Variants in DCX observed in about 807,000 individuals in gnomAD.
The protein encoded by DCX is neuronal migration protein doublecortin.
In DCX, 4 loss-of-function variants were observed where a neutral mutation model predicts 20.9. That is an observed-to-expected ratio of 0.19 (90% CI 0.09 to 0.44). The LOEUF is 0.44. DCX is among the 20% of genes least tolerant of loss of function. The pLI is 0.99. For synonymous variants in DCX, 103 were observed against 111.4 expected (o/e 0.92, Z 0.47); for missense variants, 133 against 296.9 (o/e 0.45, Z 4.06).
intron 5 of DCX, among the ~76,000 whole-genome samples, chrX:111,329,987 C>T (rs182640452): frequency 1.5e-4 from 17 of 112,204 alleles, no homozygotes; most frequent in African/African-American, 4.8e-4. Flanking sequence ...GTGCATAAAT[C>T]TAAGCTTCTG....
At chrX:111,372,190 C>G (rs1479336755) in intron 3 of DCX, among the ~76,000 whole-genome samples, 2 of 111,902 alleles carry the variant, frequency 1.8e-5, no homozygotes, top group African/African-American at 3.2e-5. Flanking sequence ...GACCAACACA[C>G]AAAGCTCTCA....
chrX:111,353,048 G>A lies in DCX; in HGVS notation c.706-19895C>T, dbSNP rs182992859. Among the ~76,000 whole-genome samples the A allele has an allele frequency of 2.0e-4, 23 of 112,198 alleles. No homozygotes were observed. The Admixed American group carries it at 2.2e-3, about 11-fold the overall frequency. ...AAACCCCAAAGTTGAGATAATGTCT[G>A]GCTTGGCCATTTCTCAAGTGTCAGC... On this transcript the variant is annotated intron_variant, in intron 3 of 6. Coordinates refer to ENST00000636035, the MANE Select transcript of DCX (RefSeq NM_001195553.2).
intron 3 of DCX, among the ~76,000 whole-genome samples, chrX:111,397,341 G>T (rs1417983177): frequency 9.0e-6 from 1 of 111,376 alleles, no homozygotes; most frequent in Non-Finnish European, 1.9e-5. Flanking sequence ...TAAGTGCCTT[G>T]TGTCACGTAT....
At chrX:111,310,375 A>T (rs2095054939) in intron 6 of DCX, among the ~76,000 whole-genome samples, 1 of 111,328 alleles carries the variant, frequency 9.0e-6, no homozygotes, top group South Asian at 3.7e-4. Flanking sequence ...AAAAGAAAAA[A>T]TAATAACATG....
intron 6 of DCX, among the ~76,000 whole-genome samples, chrX:111,302,940 G>A (rs2095037236): frequency 9.0e-6 from 1 of 111,167 alleles, no homozygotes; most frequent in Non-Finnish European, 1.9e-5. Context: ...CATGGTCTTT[G>A]GCAGAGCAAA....
At chrX:111,322,325 A>G (rs1392695261) in intron 5 of DCX, among the ~76,000 whole-genome samples, 1 of 111,154 alleles carries the variant, frequency 9.0e-6, no homozygotes, top group Admixed American at 9.5e-5. Flanking sequence ...CACAGATTCT[A>G]TTTCAAAATT....
At chrX:111,404,152 C>A (rs2147267229) in intron 2 of DCX, among the ~76,000 whole-genome samples, 1 of 110,608 alleles carries the variant, frequency 9.0e-6, no homozygotes, top group African/African-American at 3.3e-5. Context: ...TATTATTAAG[C>A]CCCTAATCTT....
At chrX:111,356,039 ATGT>A (rs1394758596) in intron 3 of DCX, among the ~76,000 whole-genome samples, 1 of 112,213 alleles carries the variant, frequency 8.9e-6, no homozygotes, top group African/African-American at 3.2e-5. Flanking sequence ...AGACAAGGAA[ATGT>A]TGTCCTAATT....
intron 4 of DCX, 152 bp downstream of exon 4, chrX:111,332,899 C>G (rs765570386): frequency 2.0e-6 from 1 of 505,368 alleles, no homozygotes; most frequent in Non-Finnish European, 3.6e-6. Flanking sequence ...GGGTCATGAC[C>G]CATGTATCCA....
At chrX:111,303,092 CTT>C (rs536285244) in intron 6 of DCX, among the ~76,000 whole-genome samples, 7 of 99,946 alleles carry the variant, frequency 7.0e-5, no homozygotes, top group African/African-American at 3.6e-5. Context: ...GGTTAAGAAA[CTT>C]TTTTTTTTTT....
At chrX:111,343,094 C>G (rs1922434047) in intron 3 of DCX, among the ~76,000 whole-genome samples, 1 of 105,134 alleles carries the variant, frequency 9.5e-6, no homozygotes, top group African/African-American at 3.5e-5. Flanking sequence ...GATAAGCACA[C>G]AAACTCCCCC....
intron 2 of DCX, among the ~76,000 whole-genome samples, chrX:111,406,641 A>C (rs780033033): frequency 8.9e-6 from 1 of 112,391 alleles, no homozygotes; most frequent in East Asian, 2.8e-4. Context: ...TACATGGAAC[A>C]ACATAGATAA....
At position 111,301,675 on chromosome X, in the gene DCX, C is replaced by T. The variant is rs1222815354; in HGVS notation, c.*12G>A. ...GGATTTGTACTCTGGACTCTGAGCA[C>T]TCTCCCCTCCTTTACATGGAATCAC... is the stretch of plus-strand genomic sequence containing the variant. On this transcript the variant is annotated 3_prime_UTR_variant, in exon 7 of 7. Coordinates refer to ENST00000636035, the MANE Select transcript of DCX (RefSeq NM_001195553.2). The T allele has an allele frequency of 9.1e-6, 11 of 1,210,191 alleles. No homozygotes were observed. The highest frequency in any genetic ancestry group is 1.2e-5 in the Non-Finnish European group (11 of 894,154).
intron 4 of DCX, among the ~76,000 whole-genome samples, chrX:111,332,607 T>G (rs976216151): frequency 8.9e-6 from 1 of 111,735 alleles, no homozygotes; most frequent in Admixed American, 9.5e-5. Flanking sequence ...TCTGATGGTG[T>G]GAAAAGGGTT....
Position 111,298,533 on chromosome X carries a change from G to A in DCX, c.*3154C>T, listed in dbSNP as rs186702259. The A allele has an allele frequency of 9.0e-5, 10 of 111,680 alleles. No individual in the cohort carries two copies. In the Admixed American group the frequency reaches 9.5e-4, roughly 11 times the overall value. The allele number at this position is 111,680 out of a possible 1,213,427, so 9.2% of individuals were successfully genotyped here. ...AGGCAATACTACTTAGTGGGAAAAG[G>A]CCCTGGAATAAGAGCCAGGAGATGT... On this transcript the variant is annotated 3_prime_UTR_variant, in exon 7 of 7. Transcript: ENST00000636035.
intron 2 of DCX, among the ~76,000 whole-genome samples, chrX:111,404,530 T>C (rs936757319): frequency 8.9e-6 from 1 of 111,924 alleles, no homozygotes; most frequent in African/African-American, 3.3e-5. Context: ...GATTCAAATC[T>C]CAACTAGGCA....
chrX:111,395,236 C>T (rs946091136), intron 3 of DCX, among the ~76,000 whole-genome samples: 22 of 111,993 alleles, frequency 2.0e-4, no homozygotes, highest in African/African-American at 7.1e-4. Flanking sequence ...ATTGGCTCCA[C>T]GTTACATAGC....
At chrX:111,348,781 A>C (rs1923055695) in intron 3 of DCX, among the ~76,000 whole-genome samples, 2 of 109,849 alleles carry the variant, frequency 1.8e-5, no homozygotes. Flanking sequence ...TATCTGTTGC[A>C]TTTAACAGTT....
At chrX:111,324,597 A>G (rs1028683713) in intron 5 of DCX, among the ~76,000 whole-genome samples, 1 of 111,840 alleles carries the variant, frequency 8.9e-6, no homozygotes, top group Non-Finnish European at 1.9e-5. Flanking sequence ...CAAAATGGGG[A>G]TAATAGTAAT....
Sources: gnomAD v4.1 joint callset for allele counts (sites outside exome capture counted in the v4.1 genomes callset) on GRCh38, gnomAD v4.1.1 for gene constraint, MANE v1.5 for transcripts, NCBI Gene and HGNC (gene_info 2026-07-23, HGNC 2026-07-21) for gene names.